The following GALNT7 variants were observed in gnomAD, a reference collection of about 807,000 sequenced individuals.
GALNT7 encodes polypeptide N-acetylgalactosaminyltransferase 7, also known as N-acetylgalactosaminyltransferase 7.
In GALNT7, 60 loss-of-function variants were observed where a neutral mutation model predicts 82.1. The observed-to-expected ratio is 0.73, with a 90% confidence interval of 0.59 to 0.91. The LOEUF (loss-of-function observed/expected upper bound fraction) is 0.91. Ranked by LOEUF, GALNT7 falls within the 40% of genes least tolerant of loss-of-function variation. The pLI is 0.00. For missense variants in GALNT7, 660 were observed against 804.2 expected (o/e 0.82, Z 2.17); for synonymous variants, 243 against 275.1 (o/e 0.88, Z 1.15).
chr4:173,293,882 C>T (rs563089519), intron 3 of GALNT7, among the ~76,000 whole-genome samples: 48 of 152,326 alleles, frequency 3.2e-4, no homozygotes, highest in African/African-American at 1.1e-3. Context: ...ACACACACAA[C>T]CAGCCTCTTA....
intron 2 of GALNT7, among the ~76,000 whole-genome samples, chr4:173,288,489 C>A (rs1390186105): frequency 6.6e-6 from 1 of 151,874 alleles, no homozygotes; most frequent in African/African-American, 2.4e-5. Context: ...TCCCATCCCA[C>A]TAGGTGGCGC....
At chr4:173,183,296 T>A (rs1324566330) in intron 1 of GALNT7, among the ~76,000 whole-genome samples, 16 of 151,564 alleles carry the variant, frequency 1.1e-4, no homozygotes, top group Admixed American at 2.6e-4. Flanking sequence ...TTTTTTTTTT[T>A]AAAGCTGCAT....
chr4:173,198,186 A>G (rs1732834903), intron 1 of GALNT7, among the ~76,000 whole-genome samples: 1 of 150,392 alleles, frequency 6.6e-6, no homozygotes, highest in Non-Finnish European at 1.5e-5. Context: ...CAGCCTCCCA[A>G]GTAGCTGGGA....
At chr4:173,239,127 A>G (rs1012825686) in intron 1 of GALNT7, among the ~76,000 whole-genome samples, 1 of 152,170 alleles carries the variant, frequency 6.6e-6, no homozygotes, top group African/African-American at 2.4e-5. Flanking sequence ...TAAAGTACTC[A>G]TTTTCCTTGA....
chr4:173,247,452 A>C (rs1343663478), intron 1 of GALNT7, among the ~76,000 whole-genome samples: 3 of 151,696 alleles, frequency 2.0e-5, no homozygotes, highest in South Asian at 4.2e-4. Flanking sequence ...AAAAATACCA[A>C]ATCGGGACTC....
Position 173,318,474 on chromosome 4 carries a change from A to C in GALNT7, c.1751A>C (p.Gln584Pro), listed in dbSNP as rs1162114171. The C allele has an allele frequency of 6.2e-7, 1 of 1,600,584 alleles. No individual in the cohort carries two copies. Among genetic ancestry groups the C allele is most frequent in the Non-Finnish European group, 8.6e-7 (1 of 1,169,076 alleles). Residue 584 changes from glutamine to proline, a missense_variant, in exon 11 of 12, where the codon CAG becomes CCG. Transcript: ENST00000265000. Reference sequence around the variant, plus strand: ...GCAAATCAACTCATGCAGTATGACCAGTGTTTGACAAAGGGAGCTGATGGA... The same window carrying C: ...GCAAATCAACTCATGCAGTATGACCCGTGTTTGACAAAGGGAGCTGATGGA... ...NEANQLMQYD[Q>P]CLTKGADGSK...
intron 1 of GALNT7, among the ~76,000 whole-genome samples, chr4:173,243,735 T>G (rs1033677891): frequency 6.6e-6 from 1 of 152,218 alleles, no homozygotes; most frequent in Non-Finnish European, 1.5e-5. Flanking sequence ...ATTCAATTTT[T>G]CTGGTGCTAT....
At chr4:173,181,673 T>A (rs1282945075) in intron 1 of GALNT7, among the ~76,000 whole-genome samples, 2 of 152,184 alleles carry the variant, frequency 1.3e-5, no homozygotes, top group Non-Finnish European at 2.9e-5. Context: ...AAGAGTGGAA[T>A]CACCTACAGA....
chr4:173,233,371 C>G (rs1437999909), intron 1 of GALNT7, among the ~76,000 whole-genome samples: 1 of 152,176 alleles, frequency 6.6e-6, no homozygotes, highest in Non-Finnish European at 1.5e-5. Flanking sequence ...TAAGAGTTCC[C>G]TTACTCTGCA....
intron 1 of GALNT7, 112 bp from the exon 2 acceptor site, chr4:173,247,868 A>T: frequency 1.6e-6 from 1 of 635,630 alleles, no homozygotes; most frequent in South Asian, 2.0e-5. Context: ...TGTATTCCAA[A>T]CTGTTTTATT....
intron 1 of GALNT7, among the ~76,000 whole-genome samples, chr4:173,173,050 G>A (rs960331301): frequency 3.2e-4 from 48 of 152,288 alleles, no homozygotes; most frequent in African/African-American, 1.0e-3. Flanking sequence ...TAGATTGGCA[G>A]GGCGGTGGTA....
At chr4:173,213,413 A>G (rs1733345381) in intron 1 of GALNT7, among the ~76,000 whole-genome samples, 2 of 152,148 alleles carry the variant, frequency 1.3e-5, no homozygotes, top group Non-Finnish European at 1.5e-5. Context: ...TCAAGAGAGT[A>G]AAGAAGAACT....
chr4:173,261,390 G>GT (rs35509489), intron 2 of GALNT7, among the ~76,000 whole-genome samples: 25,104 of 146,822 alleles, frequency 0.17, 2,677 homozygotes, highest in Admixed American at 0.26. Context: ...GTTTTTTTTT[G>GT]TTTTTTTTTT....
chr4:173,258,769 C>T (rs760531206), intron 2 of GALNT7, among the ~76,000 whole-genome samples: 1 of 152,194 alleles, frequency 6.6e-6, no homozygotes, highest in African/African-American at 2.4e-5. Flanking sequence ...GGCATATACA[C>T]CCATTGCCTT....
intron 1 of GALNT7, among the ~76,000 whole-genome samples, chr4:173,216,840 C>T (rs1286105067): frequency 6.8e-6 from 1 of 146,620 alleles, no homozygotes; most frequent in East Asian, 2.1e-4. Flanking sequence ...AAGTGATTCT[C>T]CTGTCTCAGC....
In GALNT7 at chr4:173,321,817, A is replaced by G. The variant is rs1409627753; in HGVS notation, c.*100A>G. On this transcript the variant is annotated 3_prime_UTR_variant, in exon 12 of 12. Transcript: ENST00000265000. ...CTGCAACTATTGTTATTAACTCTGT[A>G]TAGCTCCAAACCTGGAACCTCCTGA... The G allele has an allele frequency of 1.2e-5, 9 of 746,088 alleles. No individual in the cohort carries two copies. Among genetic ancestry groups the G allele is most frequent in the Admixed American group, 2.5e-5 (1 of 40,642 alleles). The allele number at this position is 746,088 out of a possible 1,614,324, so 46.2% of individuals were successfully genotyped here.
intron 1 of GALNT7, among the ~76,000 whole-genome samples, chr4:173,195,922 C>T (rs1331696233): frequency 1.3e-5 from 2 of 152,284 alleles, no homozygotes; most frequent in East Asian, 3.9e-4. Context: ...TAATGTTGTA[C>T]AGTCAAAAGA....
intron 1 of GALNT7, among the ~76,000 whole-genome samples, chr4:173,199,415 G>C (rs1340066386): frequency 2.0e-5 from 3 of 152,192 alleles, no homozygotes; most frequent in Non-Finnish European, 2.9e-5. Context: ...ATGCAAAGTT[G>C]TTAGGACAGT....
chr4:173,242,967 C>T (rs926724306), intron 1 of GALNT7, among the ~76,000 whole-genome samples: 1 of 152,154 alleles, frequency 6.6e-6, no homozygotes. Context: ...GCTTGTTATA[C>T]CTTTAAATTC....
Sources: gnomAD v4.1 joint callset for allele counts (sites outside exome capture counted in the v4.1 genomes callset) on GRCh38, gnomAD v4.1.1 for gene constraint, MANE v1.5 for transcripts, NCBI Gene and HGNC (gene_info 2026-07-23, HGNC 2026-07-21) for gene names.